The following AUTS2 variants were observed in gnomAD, a reference collection of about 807,000 sequenced individuals.
AUTS2 encodes activator of transcription and developmental regulator AUTS2.
Under a neutral mutation model 112.4 loss-of-function variants are expected in AUTS2, and 17 were observed. The ratio of observed to expected loss-of-function variants is 0.15; its 90% CI spans 0.10 to 0.23. AUTS2 has a LOEUF of 0.23. Among genes scored for constraint, AUTS2 ranks in the 10% least tolerant of loss-of-function variants. The pLI, the probability that AUTS2 is intolerant of heterozygous loss-of-function variation, is 1.00. For missense variants in AUTS2, 1,510 were observed against 1,701.6 expected, an observed-to-expected ratio of 0.89 and a Z score of 1.98; for synonymous variants, 751 against 702.7, an observed-to-expected ratio of 1.07 and a Z score of -1.09.
intron 1 of AUTS2, among the ~76,000 whole-genome samples, chr7:69,689,288 T>C (rs1359894580): frequency 6.6e-6 from 1 of 151,540 alleles, no homozygotes; most frequent in Non-Finnish European, 1.5e-5. Context: ...TGATAGCTCC[T>C]CTTTTCTTCC....
chr7:70,289,478 C>G (rs1788612802), intron 4 of AUTS2, among the ~76,000 whole-genome samples: 1 of 152,182 alleles, frequency 6.6e-6, no homozygotes, highest in Non-Finnish European at 1.5e-5. Context: ...GCTGCTTCTA[C>G]CTGAAACAGA....
chr7:69,650,548 T>C (rs976092408), intron 1 of AUTS2, among the ~76,000 whole-genome samples: 1 of 152,204 alleles, frequency 6.6e-6, no homozygotes, highest in Non-Finnish European at 1.5e-5. Context: ...CCCTGCCTGA[T>C]TTCCTGCCAT....
intron 10 of AUTS2, among the ~76,000 whole-genome samples, chr7:70,768,766 A>G (rs1263061053): frequency 1.3e-5 from 2 of 152,052 alleles, no homozygotes; most frequent in African/African-American, 4.8e-5. Flanking sequence ...CTTGTAAGAC[A>G]AGAGCTTATT....
intron 1 of AUTS2, among the ~76,000 whole-genome samples, chr7:69,709,371 G>A (rs545176034): frequency 4.1e-4 from 63 of 152,240 alleles, no homozygotes; most frequent in African/African-American, 1.4e-3. Flanking sequence ...CTATCTAGGT[G>A]GAGTTAAAGT....
At chr7:69,665,007 TTAGGTTGGC>T (rs1795965695) in intron 1 of AUTS2, among the ~76,000 whole-genome samples, 1 of 152,160 alleles carries the variant, frequency 6.6e-6, no homozygotes, top group African/African-American at 2.4e-5. Context: ...TTGAGGTTCT[TTAGGTTGGC>T]ATCAGGCTAA....
rs540329510 is a variant in AUTS2, at chr7:70,363,708, A to G, written c.661-72044A>G. Among the ~76,000 whole-genome samples the G allele has an allele frequency of 1.4e-4, 22 of 152,232 alleles. No homozygotes were observed. The South Asian group carries it at 3.7e-3, about 26-fold the overall frequency. On this transcript the variant is annotated intron_variant, in intron 4 of 18. Transcript: ENST00000342771. ...ACATATATTGCTACCCATGTACTCC[A>G]TACTCTATTCTTTTATGCTTCTTTG... is the stretch of plus-strand genomic sequence containing the variant.
intron 3 of AUTS2, among the ~76,000 whole-genome samples, chr7:70,129,555 CAG>C (rs1351600596): frequency 2.6e-5 from 4 of 152,174 alleles, no homozygotes; most frequent in East Asian, 1.9e-4. Flanking sequence ...TAGACATAAA[CAG>C]GGGGACATTG....
At chr7:69,766,836 A>T (rs933957274) in intron 1 of AUTS2, among the ~76,000 whole-genome samples, 1 of 152,240 alleles carries the variant, frequency 6.6e-6, no homozygotes, top group African/African-American at 2.4e-5. Context: ...ACTTTAGGTT[A>T]TACCTCCAGT....
intron 2 of AUTS2, among the ~76,000 whole-genome samples, chr7:69,971,508 T>A (rs2129548073): frequency 6.6e-6 from 1 of 152,222 alleles, no homozygotes; most frequent in East Asian, 1.9e-4. Context: ...CATAGTAAAA[T>A]ATCACAACAA....
chr7:70,466,149 C>G (rs1422109330), intron 5 of AUTS2, among the ~76,000 whole-genome samples: 1 of 151,928 alleles, frequency 6.6e-6, no homozygotes, highest in Non-Finnish European at 1.5e-5. Flanking sequence ...ACTAGGTAGC[C>G]CAAAGGGACA....
chr7:70,168,365 G>T (rs1301560052), intron 4 of AUTS2, among the ~76,000 whole-genome samples: 1 of 152,230 alleles, frequency 6.6e-6, no homozygotes, highest in African/African-American at 2.4e-5. Context: ...CGCCCAGGCT[G>T]GAATGCAGTG....
At chr7:70,714,706 G>A (rs1195613928) in intron 6 of AUTS2, among the ~76,000 whole-genome samples, 2 of 152,184 alleles carry the variant, frequency 1.3e-5, no homozygotes, top group Non-Finnish European at 2.9e-5. Context: ...GGAAGTCCTT[G>A]CGGTGTCATT....
At chr7:69,779,754 A>G (rs1584235410) in intron 1 of AUTS2, among the ~76,000 whole-genome samples, 1 of 141,666 alleles carries the variant, frequency 7.1e-6, no homozygotes, top group African/African-American at 2.7e-5. Context: ...ACAGAACGAG[A>G]CTCCATCTCA....
At chr7:70,544,560 A>C (rs1157175021) in intron 5 of AUTS2, among the ~76,000 whole-genome samples, 2 of 151,392 alleles carry the variant, frequency 1.3e-5, no homozygotes, top group Non-Finnish European at 3.0e-5. Flanking sequence ...CCGCTTGAGC[A>C]GTGACAGAAC....
At chr7:69,823,238 C>T (rs1173609946) in intron 1 of AUTS2, among the ~76,000 whole-genome samples, 1 of 152,210 alleles carries the variant, frequency 6.6e-6, no homozygotes, top group Non-Finnish European at 1.5e-5. Context: ...ATCTGCCTTG[C>T]TGCCTTCTCC....
At chr7:69,636,362 G>A (rs1392369512) in intron 1 of AUTS2, among the ~76,000 whole-genome samples, 1 of 151,780 alleles carries the variant, frequency 6.6e-6, no homozygotes, top group South Asian at 2.1e-4. Context: ...TCCTGAGTAC[G>A]TAGCTAGGAT....
chr7:69,953,111 T>G (rs780360551), intron 2 of AUTS2, among the ~76,000 whole-genome samples: 13 of 152,194 alleles, frequency 8.5e-5, no homozygotes, highest in Non-Finnish European at 1.8e-4. Context: ...ATAAAACCTA[T>G]CTCAATGTTG....
At chr7:70,763,416 A>G in intron 7 of AUTS2, 75 bp downstream of exon 7, 1 of 1,073,186 alleles carries the variant, frequency 9.3e-7, no homozygotes, top group Non-Finnish European at 1.4e-6. Flanking sequence ...TCGGGGAGGG[A>G]TCCCTAGGGA....
intron 4 of AUTS2, among the ~76,000 whole-genome samples, chr7:70,404,941 A>G (rs760674239): frequency 6.6e-6 from 1 of 152,192 alleles, no homozygotes; most frequent in South Asian, 2.1e-4. Context: ...TCCTGCTGCA[A>G]TATAAAATCT....
Sources: allele counts gnomAD v4.1 joint callset (sites outside exome capture counted in the v4.1 genomes callset), GRCh38; gene constraint gnomAD v4.1.1; transcripts MANE v1.5; gene names NCBI Gene and HGNC (gene_info 2026-07-23, HGNC 2026-07-21).